ALPK3: variants seen among roughly 807,000 people sequenced by gnomAD.
ALPK3 encodes alpha-protein kinase 3.
A neutral mutation model predicts 140.0 loss-of-function variants in ALPK3; 102 were observed. The ratio of observed to expected loss-of-function variants is 0.73; its 90% CI spans 0.62 to 0.86. The LOEUF is 0.86. Ranked by LOEUF, ALPK3 falls within the 40% of genes least tolerant of loss-of-function variation. The pLI, the probability that ALPK3 is intolerant of heterozygous loss-of-function variation, is 0.00. For missense variants in ALPK3, 2,254 were observed against 2,208.2 expected, an observed-to-expected ratio of 1.02 and a Z score of -0.42; for synonymous variants, 938 against 898.5, an observed-to-expected ratio of 1.04 and a Z score of -0.79.
intron 5 of ALPK3, among the ~76,000 whole-genome samples, chr15:84,846,199 C>G (rs1481754821): frequency 6.6e-6 from 1 of 152,194 alleles, no homozygotes; most frequent in Admixed American, 6.5e-5. Context: ...GGTAGATTGC[C>G]TTCCAAGACA....
chr15:84,840,111 G>A lies in ALPK3; in HGVS notation c.832G>A (p.Gly278Arg), dbSNP rs573106150. The change falls in exon 5 of 14, where the codon GGG (glycine) becomes AGG (arginine). Residue 278 changes from glycine to arginine, a missense_variant. By Grantham distance (125) the Gly-to-Arg change is moderately radical (BLOSUM62 -2). This residue lies in a region of ALPK3 where 2,088 missense variants were observed against 2,022.9 expected (regional missense o/e 1.03). Coordinates refer to ENST00000258888, the MANE Select transcript of ALPK3 (RefSeq NM_020778.5). Reference protein sequence around the residue: ...SFASGEVTTNGEAAPENGEDG... With the variant: ...SFASGEVTTNREAAPENGEDG... ...TGCTTCTGGAGAAGTGACCACCAAC[G>A]GGGAGGCTGCCCCCGAGAATGGAGA... The A allele has an allele frequency of 3.5e-5, 56 of 1,614,138 alleles. No homozygotes were observed. The African/African-American group carries it at 6.5e-4, about 19-fold the overall frequency.
At chr15:84,864,342 G>T (rs1284541410) in intron 11 of ALPK3, 100 bp from the exon 12 acceptor site, 2 of 1,248,158 alleles carry the variant, frequency 1.6e-6, no homozygotes, top group Non-Finnish European at 2.3e-6. Context: ...TACATTCTTG[G>T]AAGGGCCCTT....
At chr15:84,841,833 A>G (rs1963670608) in intron 5 of ALPK3, among the ~76,000 whole-genome samples, 1 of 152,158 alleles carries the variant, frequency 6.6e-6, no homozygotes, top group African/African-American at 2.4e-5. Flanking sequence ...ATTATTTCAC[A>G]GTGGTTTTGG....
chr15:84,867,201 T>G, intron 12 of ALPK3, 116 bp from the exon 13 acceptor site: 57 of 759,240 alleles, frequency 7.5e-5, no homozygotes, highest in East Asian at 1.2e-4. Context: ...TAAGCCCCCA[T>G]GTCTCCAGCA....
At chr15:84,830,946 T>G (rs1596147254) in intron 3 of ALPK3, among the ~76,000 whole-genome samples, 1 of 152,302 alleles carries the variant, frequency 6.6e-6, no homozygotes, top group African/African-American at 2.4e-5. Flanking sequence ...ACTCCTGGGC[T>G]CAAGCAATCC....
chr15:84,868,019 G>T, intron 13 of ALPK3, 92 bp from the exon 14 acceptor site: 2 of 1,297,686 alleles, frequency 1.5e-6, no homozygotes, highest in Non-Finnish European at 2.1e-6. Flanking sequence ...CCCTGAGCAC[G>T]ACATCCTGAT....
intron 1 of ALPK3, among the ~76,000 whole-genome samples, chr15:84,821,675 T>A (rs1433571397): frequency 6.6e-6 from 1 of 152,060 alleles, no homozygotes; most frequent in Admixed American, 6.6e-5. Context: ...TTCTCTCCCC[T>A]GACCTCTCTC....
At chr15:84,863,420 C>T in intron 10 of ALPK3, 132 bp from the exon 11 acceptor site, 1 of 712,184 alleles carries the variant, frequency 1.4e-6, no homozygotes. Flanking sequence ...GAGGAGTAAG[C>T]CCTTCCTCCC....
chr15:84,864,773 T>G, intron 12 of ALPK3, 108 bp downstream of exon 12: 1 of 1,183,572 alleles, frequency 8.4e-7, no homozygotes, highest in South Asian at 1.6e-5. Context: ...ACCTTTGTCT[T>G]TATTCTTTTT....
intron 12 of ALPK3, among the ~76,000 whole-genome samples, chr15:84,865,102 C>G (rs543610571): frequency 3.3e-5 from 5 of 152,262 alleles, no homozygotes; most frequent in African/African-American, 1.2e-4. Context: ...CCTCCTCCAT[C>G]TTTGTTAGCT....
In ALPK3 at chr15:84,867,963, A is replaced by G. The variant is rs531705144; in HGVS notation, c.4773-148A>G. The G allele has an allele frequency of 7.4e-3, 5,827 of 787,470 alleles. 29 individuals carry two copies. The highest frequency in any genetic ancestry group is 0.01 in the Non-Finnish European group (4,991 of 488,632). 48.8% of individuals were successfully genotyped at this position (787,470 alleles called of 1,614,324 possible). A position where few individuals can be genotyped will look rare whatever the true frequency, so the allele number is the denominator to read the frequency against. On this transcript the variant is annotated intron_variant, in intron 13 of 13. Transcript: ENST00000258888. Reference sequence around the variant, plus strand: ...GGTTTTGGCTGCTGCCACCTGAGGTAGCACCAAGGGAGAGTCCCCATCACC... The same window carrying G: ...GGTTTTGGCTGCTGCCACCTGAGGTGGCACCAAGGGAGAGTCCCCATCACC...
intron 5 of ALPK3, chr15:84,852,658 T>C (rs1419262808): frequency 4.7e-6 from 1 of 212,864 alleles, no homozygotes; most frequent in Non-Finnish European, 9.7e-6. Flanking sequence ...TTTCATTTAA[T>C]ATTTTCAGAC....
intron 12 of ALPK3, among the ~76,000 whole-genome samples, chr15:84,866,181 C>T (rs1156326978): frequency 6.6e-6 from 1 of 152,092 alleles, no homozygotes; most frequent in African/African-American, 2.4e-5. Flanking sequence ...AAATTCTGTG[C>T]AAATGAGAGA....
chr15:84,858,376 G>A lies in ALPK3; in HGVS notation c.3638G>A (p.Arg1213His), dbSNP rs1289262135. 5.8e-6 allele frequency: 9 copies of A among 1,553,338 alleles called. No homozygotes were observed. Among genetic ancestry groups the A allele is most frequent in the Non-Finnish European group, 7.8e-6 (9 of 1,150,106 alleles). The change falls in exon 6 of 14, where the codon CGC becomes CAC. Residue 1213 changes from arginine to histidine, a missense_variant. By Grantham distance (29) the Arg-to-His change is conservative (BLOSUM62 0). Transcript: ENST00000258888. The stretch of plus-strand genomic sequence containing the variant: ...CCAGGGACTCCAGGGCGGGAGAGAC[G>A]CTCCCCTACGCAGGGCAGAAAGGCG... ...GSPGTPGRERRSPTQGRKASM... is the reference protein window; with the variant it reads ...GSPGTPGRERHSPTQGRKASM...
At chr15:84,850,002 A>C (rs1244158393) in intron 5 of ALPK3, among the ~76,000 whole-genome samples, 2 of 143,362 alleles carry the variant, frequency 1.4e-5, no homozygotes, top group Non-Finnish European at 3.2e-5. Flanking sequence ...AGACTTAGAA[A>C]AAAAAAAAAA....
chr15:84,864,832 C>T (rs935771888), intron 12 of ALPK3, among the ~76,000 whole-genome samples, 167 bp downstream of exon 12: 1 of 152,196 alleles, frequency 6.6e-6, no homozygotes, highest in Non-Finnish European at 1.5e-5. Context: ...GAACATTTTG[C>T]TCGCAACCCT....
At chr15:84,829,520 G>C (rs1228142884) in intron 3 of ALPK3, among the ~76,000 whole-genome samples, 1 of 152,192 alleles carries the variant, frequency 6.6e-6, no homozygotes, top group East Asian at 1.9e-4. Flanking sequence ...CTGGTACCTA[G>C]GGCGACTCCG....
chr15:84,871,708 T>C lies in ALPK3; in HGVS notation c.*3252T>C, dbSNP rs1179710832. The C allele has an allele frequency of 2.0e-5, 3 of 152,184 alleles. 1 individual carries two copies. Among genetic ancestry groups the C allele is most frequent in the Non-Finnish European group, 2.9e-5 (2 of 68,042 alleles). The allele number at this position is 152,184 out of a possible 1,614,324, so 9.4% of individuals were successfully genotyped here. A position where few individuals can be genotyped will look rare whatever the true frequency, so the allele number is the denominator to read the frequency against. On this transcript the variant is annotated 3_prime_UTR_variant, in exon 14 of 14. Transcript: ENST00000258888. ...TCTCGGGGTGTTGTTTCTGGTGCCA[T>C]AGTTGAATTTTCAACAAACCATTTC...
intron 1 of ALPK3, among the ~76,000 whole-genome samples, chr15:84,821,169 C>T (rs1963418245): frequency 6.6e-6 from 1 of 152,170 alleles, no homozygotes. Flanking sequence ...TAGCTGTGGC[C>T]CAGCCAGCAG....
Sources: gnomAD v4.1 joint callset for allele counts (sites outside exome capture counted in the v4.1 genomes callset) on GRCh38, gnomAD v4.1.1 for gene constraint, gnomAD v4.1.1 regional missense constraint, MANE v1.5 for transcripts, NCBI Gene and HGNC (gene_info 2026-07-23, HGNC 2026-07-21) for gene names.